The following NEK1 variants were observed in gnomAD, a reference collection of about 807,000 sequenced individuals.
The protein encoded by NEK1 is serine/threonine-protein kinase Nek1.
A neutral mutation model predicts 182.1 loss-of-function variants in NEK1; 137 were observed. That is an observed-to-expected ratio of 0.75 (90% CI 0.65 to 0.87). The LOEUF is 0.87. Among genes scored for constraint, NEK1 ranks in the 40% least tolerant of loss-of-function variants. The pLI, the probability that NEK1 is intolerant of heterozygous loss-of-function variation, is 0.00. For synonymous variants in NEK1, 513 were observed against 492.2 expected, an observed-to-expected ratio of 1.04 and a Z score of -0.56; for missense variants, 1,391 against 1,494.4, an observed-to-expected ratio of 0.93 and a Z score of 1.14.
intron 32 of NEK1, among the ~76,000 whole-genome samples, chr4:169,402,822 A>C (rs1193156734): frequency 6.6e-6 from 1 of 152,162 alleles, no homozygotes; most frequent in Non-Finnish European, 1.5e-5. Flanking sequence ...TACTCAGAAA[A>C]ATTTTTTTCC....
intron 26 of NEK1, among the ~76,000 whole-genome samples, chr4:169,464,189 AAAAG>A (rs962745805): frequency 6.6e-6 from 1 of 152,184 alleles, no homozygotes; most frequent in Non-Finnish European, 1.5e-5. Flanking sequence ...TAGTTAAAAA[AAAAG>A]AGAGACATAC....
chr4:169,436,952 C>T (rs915421850), intron 28 of NEK1, among the ~76,000 whole-genome samples: 1 of 152,196 alleles, frequency 6.6e-6, no homozygotes, highest in Admixed American at 6.5e-5. Context: ...ATAATATTCA[C>T]ATAAACCCAC....
intron 2 of NEK1, among the ~76,000 whole-genome samples, chr4:169,609,714 G>A (rs1216522586): frequency 6.6e-6 from 1 of 152,060 alleles, no homozygotes; most frequent in African/African-American, 2.4e-5. Context: ...GCATTTAATA[G>A]TTGAAAAGAT....
At chr4:169,471,768 T>G (rs1051091975) in intron 26 of NEK1, among the ~76,000 whole-genome samples, 1 of 150,746 alleles carries the variant, frequency 6.6e-6, no homozygotes, top group Admixed American at 6.6e-5. Flanking sequence ...GACATGGGAG[T>G]TTTTTCTATA....
intron 29 of NEK1, among the ~76,000 whole-genome samples, chr4:169,430,607 AAG>A (rs2149401768): frequency 6.6e-6 from 1 of 152,332 alleles, no homozygotes; most frequent in South Asian, 2.1e-4. Flanking sequence ...GGGTGCAAAG[AAG>A]ACAGGATAAA....
intron 27 of NEK1, among the ~76,000 whole-genome samples, chr4:169,449,789 C>T (rs1308295862): frequency 6.6e-6 from 1 of 152,192 alleles, no homozygotes; most frequent in African/African-American, 2.4e-5. Flanking sequence ...AATCACAGCT[C>T]CTTGCCAGCA....
At chr4:169,446,990 C>T (rs142821098) in intron 27 of NEK1, among the ~76,000 whole-genome samples, 19 of 143,374 alleles carry the variant, frequency 1.3e-4, no homozygotes, top group Admixed American at 2.7e-4. Context: ...TTCGTTGTAA[C>T]GAGGAAGTAG....
intron 10 of NEK1, among the ~76,000 whole-genome samples, chr4:169,583,095 G>A (rs765827109): frequency 3.3e-5 from 5 of 152,002 alleles, no homozygotes; most frequent in Non-Finnish European, 7.4e-5. Flanking sequence ...TAGTTTATAT[G>A]TTACACTAAA....
At chr4:169,604,719 G>C (rs928644186) in intron 2 of NEK1, among the ~76,000 whole-genome samples, 2 of 152,136 alleles carry the variant, frequency 1.3e-5, no homozygotes, top group African/African-American at 4.8e-5. Flanking sequence ...GTGCCTACAA[G>C]ACCAGACCAC....
At chr4:169,577,160 G>T in intron 11 of NEK1, 81 bp from the exon 12 acceptor site, 1 of 1,316,938 alleles carries the variant, frequency 7.6e-7, no homozygotes, top group Non-Finnish European at 1.1e-6. Flanking sequence ...AGATAGCACT[G>T]TTTAATTTTC....
chr4:169,449,167 C>T (rs543176130), intron 27 of NEK1, among the ~76,000 whole-genome samples: 7 of 152,304 alleles, frequency 4.6e-5, no homozygotes, highest in South Asian at 2.1e-4. Context: ...TCAAAATGGG[C>T]GGAGCCCACC....
At chr4:169,544,894 T>C (rs950608142) in intron 18 of NEK1, among the ~76,000 whole-genome samples, 4 of 151,832 alleles carry the variant, frequency 2.6e-5, no homozygotes, top group Non-Finnish European at 5.9e-5. Context: ...GTCTTGCTAG[T>C]GATCTATCAA....
intron 26 of NEK1, among the ~76,000 whole-genome samples, chr4:169,469,561 A>T (rs1370945713): frequency 6.6e-6 from 1 of 152,170 alleles, no homozygotes; most frequent in Non-Finnish European, 1.5e-5. Context: ...TTTTAGAATA[A>T]GTGCTATGTG....
chr4:169,541,940 T>C (rs1393436569), intron 18 of NEK1, among the ~76,000 whole-genome samples: 2 of 152,174 alleles, frequency 1.3e-5, no homozygotes, highest in Non-Finnish European at 2.9e-5. Context: ...CTGGGTCTAG[T>C]TCCTCTTTTA....
chr4:169,521,402 GTC>G (rs1282360669), intron 19 of NEK1, among the ~76,000 whole-genome samples: 22 of 145,796 alleles, frequency 1.5e-4, no homozygotes, highest in African/African-American at 4.3e-4. Flanking sequence ...TGCGCCCACT[GTC>G]TGGCACTCCC....
chr4:169,561,805 G>C lies in NEK1; in HGVS notation c.1140+27C>G, dbSNP rs750278265. On this transcript the variant is annotated intron_variant, in intron 14 of 35. Coordinates refer to ENST00000507142, the MANE Select transcript of NEK1 (RefSeq NM_001199397.3). ...TATTATCACTTAACAACTTGCCAAAGGTAGAAAAACAAGAGCAAAAAACTA... is the reference window on the plus strand; with the variant it reads ...TATTATCACTTAACAACTTGCCAAACGTAGAAAAACAAGAGCAAAAAACTA... 18 of 1,605,430 alleles carry C rather than the reference G, an allele frequency of 1.1e-5. No homozygotes were observed. In the South Asian group the frequency reaches 2.0e-4, roughly 18 times the overall value.
At chr4:169,559,066 A>G (rs574580023) in intron 16 of NEK1, among the ~76,000 whole-genome samples, 3 of 152,334 alleles carry the variant, frequency 2.0e-5, no homozygotes, top group Non-Finnish European at 4.4e-5. Flanking sequence ...TTGTTTTATT[A>G]ATCTTCAATG....
chr4:169,398,384 T>A (rs1297158425), intron 35 of NEK1, among the ~76,000 whole-genome samples: 1 of 151,858 alleles, frequency 6.6e-6, no homozygotes, highest in Non-Finnish European at 1.5e-5. Context: ...GGGATCCACA[T>A]GTTATTCAAG....
rs758412425 is a variant in NEK1 at position 169,585,533 on chromosome 4, A to C, written c.623T>G (p.Met208Arg). The C allele has an allele frequency of 6.2e-7, 1 of 1,611,318 alleles. No individual in the cohort carries two copies. The highest frequency in any genetic ancestry group is 1.1e-5 in the South Asian group (1 of 90,500). ...TLKHAFEAGSMKNLVLKIISG... is the reference protein window; with the variant it reads ...TLKHAFEAGSRKNLVLKIISG... ...TATTATCTTCAGTACCAGGTTTTTC[A>C]TACTGCCAGCTTCAAACTAAATTCC... is the stretch of plus-strand genomic sequence containing the variant. The change falls in exon 10 of 36, where the codon ATG (methionine) becomes AGG (arginine). Residue 208 changes from methionine to arginine, a missense_variant. By Grantham distance (91) the Met-to-Arg change is moderately conservative (BLOSUM62 -1). Around this residue, in one of 5 missense-constraint regions of NEK1, gnomAD observed 1,216 missense variants for 1,277.6 expected, o/e 0.95. Coordinates refer to ENST00000507142, the MANE Select transcript of NEK1 (RefSeq NM_001199397.3).
Sources: gnomAD v4.1 joint callset for allele counts (sites outside exome capture counted in the v4.1 genomes callset) on GRCh38, gnomAD v4.1.1 for gene constraint, gnomAD v4.1.1 regional missense constraint, MANE v1.5 for transcripts, NCBI Gene and HGNC (gene_info 2026-07-23, HGNC 2026-07-21) for gene names.